Variants in PMS1 observed in about 807,000 individuals in gnomAD.
PMS1 encodes the protein PMS1 protein homolog 1.
Under a neutral mutation model 93.1 loss-of-function variants are expected in PMS1, and 79 were observed. The observed-to-expected ratio is 0.85, with a 90% confidence interval of 0.71 to 1.02. The LOEUF (loss-of-function observed/expected upper bound fraction) is 1.02. Among genes scored for constraint, PMS1 ranks in the 50% least tolerant of loss-of-function variants. The pLI is 0.00. For missense variants in PMS1, 1,064 were observed against 1,085.3 expected (o/e 0.98, Z 0.28); for synonymous variants, 335 against 363.4 (o/e 0.92, Z 0.89).
chr2:189,848,898 C>G (rs2054467801), intron 6 of PMS1, among the ~76,000 whole-genome samples: 1 of 152,154 alleles, frequency 6.6e-6, no homozygotes, highest in Admixed American at 6.6e-5. Context: ...CATCCCTGGC[C>G]AAAAGCAATC....
intron 6 of PMS1, among the ~76,000 whole-genome samples, chr2:189,847,214 G>GT (rs1457539609): frequency 1.3e-5 from 2 of 152,080 alleles, no homozygotes; most frequent in Non-Finnish European, 2.9e-5. Context: ...GTGTCTAAGT[G>GT]TGTGTCTTTT....
intron 3 of PMS1, among the ~76,000 whole-genome samples, chr2:189,797,972 G>A (rs1455873640): frequency 6.6e-6 from 1 of 152,164 alleles, no homozygotes; most frequent in African/African-American, 2.4e-5. Flanking sequence ...AATCGAAAAT[G>A]CATTTAATAT....
rs772784948 is a variant in PMS1 at position 189,805,648 on chromosome 2, C to T, written c.316-4C>T. ...TAGTTTTATTAGATGTTTTTTTCCCCCAGGTTTTAATTACAACAAGAACGG... is the reference window on the plus strand; with the variant it reads ...TAGTTTTATTAGATGTTTTTTTCCCTCAGGTTTTAATTACAACAAGAACGG... On this transcript the variant is annotated splice_polypyrimidine_tract_variant and splice_region_variant and intron_variant, in intron 3 of 12. Coordinates refer to ENST00000441310, the MANE Select transcript of PMS1 (RefSeq NM_000534.5). 8.7e-6 allele frequency: 14 copies of T among 1,611,504 alleles called. No homozygotes were observed. In the East Asian group the frequency reaches 3.1e-4, roughly 36 times the overall value.
chr2:189,820,955 G>A (rs750291743), intron 5 of PMS1, among the ~76,000 whole-genome samples: 8 of 152,024 alleles, frequency 5.3e-5, no homozygotes, highest in Non-Finnish European at 1.2e-4. Flanking sequence ...CAGTGCCACC[G>A]TGCTATGATT....
intron 11 of PMS1, among the ~76,000 whole-genome samples, chr2:189,871,195 A>G (rs1027246117): frequency 6.6e-5 from 10 of 152,310 alleles, no homozygotes; most frequent in African/African-American, 2.2e-4. Context: ...CTTAAGTTCA[A>G]ACTTCTACCG....
At chr2:189,824,009 G>A (rs1428141824) in intron 5 of PMS1, among the ~76,000 whole-genome samples, 1 of 152,120 alleles carries the variant, frequency 6.6e-6, no homozygotes, top group Non-Finnish European at 1.5e-5. Context: ...CAATTTAAAT[G>A]TTTTACTAAA....
At chr2:189,849,244 C>G (rs1180598167) in intron 6 of PMS1, among the ~76,000 whole-genome samples, 1 of 152,106 alleles carries the variant, frequency 6.6e-6, no homozygotes, top group East Asian at 1.9e-4. Context: ...TGAAGTTATC[C>G]TTTTTGACAT....
chr2:189,830,204 T>G (rs1388775590), intron 5 of PMS1, among the ~76,000 whole-genome samples: 2 of 152,188 alleles, frequency 1.3e-5, no homozygotes, highest in African/African-American at 4.8e-5. Context: ...ATACTTTATT[T>G]ACAAAAACAG....
chr2:189,868,917 A>G (rs910157271), intron 11 of PMS1, among the ~76,000 whole-genome samples: 20 of 152,190 alleles, frequency 1.3e-4, no homozygotes, highest in African/African-American at 4.1e-4. Flanking sequence ...TTTTGGGGAA[A>G]GTCACCTGGC....
chr2:189,796,528 G>A lies in PMS1; in HGVS notation c.315+577G>A, dbSNP rs186792369. Among the ~76,000 whole-genome samples the A allele has an allele frequency of 4.6e-5, 7 of 152,148 alleles. No individual in the cohort carries two copies. In the East Asian group the frequency reaches 9.7e-4, roughly 21 times the overall value. ...AACTCTGTACCCATTAAACAATAAT[G>A]CCTTTTCCCCCCATCCCCTAGTACT... On this transcript the variant is annotated intron_variant, in intron 3 of 12. Transcript: ENST00000441310.
chr2:189,825,741 C>G (rs773208160), intron 5 of PMS1, among the ~76,000 whole-genome samples: 1 of 152,150 alleles, frequency 6.6e-6, no homozygotes, highest in African/African-American at 2.4e-5. Flanking sequence ...TTAACTGTTA[C>G]GAAAGAGAGA....
chr2:189,795,656 T>C lies in PMS1; in HGVS notation c.133-113T>C. The C allele has an allele frequency of 4.7e-6, 4 of 848,106 alleles. No homozygotes were observed. The East Asian group carries it at 7.9e-5, about 17-fold the overall frequency. 52.5% of individuals were successfully genotyped at this position (848,106 alleles called of 1,614,324 possible). ...ATTTAAACTCTTATATCCATAATGC[T>C]ATGCTTCCATAAAAGTAAATAAATG... On this transcript the variant is annotated intron_variant, in intron 2 of 12. Transcript: ENST00000441310.
At chr2:189,840,344 C>G (rs1053320371) in intron 5 of PMS1, among the ~76,000 whole-genome samples, 8 of 152,170 alleles carry the variant, frequency 5.3e-5, no homozygotes, top group Non-Finnish European at 1.0e-4. Flanking sequence ...TATTTGAACA[C>G]AGTTTGAACA....
chr2:189,812,273 C>T (rs1323570991), intron 4 of PMS1, among the ~76,000 whole-genome samples: 1 of 152,168 alleles, frequency 6.6e-6, no homozygotes, highest in African/African-American at 2.4e-5. Flanking sequence ...TGTACTCCAG[C>T]CTGGGTGACA....
At chr2:189,874,424 G>A (rs2057394893) in intron 12 of PMS1, among the ~76,000 whole-genome samples, 1 of 152,128 alleles carries the variant, frequency 6.6e-6, no homozygotes, top group Non-Finnish European at 1.5e-5. Flanking sequence ...TTTCATTTTT[G>A]TGACAGTATT....
At chr2:189,784,983 C>T (rs1452640024) in intron 1 of PMS1, among the ~76,000 whole-genome samples, 1 of 152,172 alleles carries the variant, frequency 6.6e-6, no homozygotes, top group Non-Finnish European at 1.5e-5. Flanking sequence ...ACGATTTTTG[C>T]TCTTGGCCTT....
chr2:189,799,965 A>G (rs1323412993), intron 3 of PMS1, among the ~76,000 whole-genome samples: 1 of 152,202 alleles, frequency 6.6e-6, no homozygotes, highest in Non-Finnish European at 1.5e-5. Flanking sequence ...CCAGCCTACA[A>G]TGTAGGTCTT....
chr2:189,829,537 C>T (rs566994539), intron 5 of PMS1, among the ~76,000 whole-genome samples: 2 of 152,262 alleles, frequency 1.3e-5, no homozygotes, highest in African/African-American at 4.8e-5. Flanking sequence ...TGTCAGTTCT[C>T]TTGGTCCTTT....
At chr2:189,799,470 T>A (rs2049681370) in intron 3 of PMS1, among the ~76,000 whole-genome samples, 1 of 152,224 alleles carries the variant, frequency 6.6e-6, no homozygotes, top group South Asian at 2.1e-4. Context: ...CAAAGGTAAC[T>A]GCTATTCAGA....
Sources: allele counts gnomAD v4.1 joint callset (sites outside exome capture counted in the v4.1 genomes callset), GRCh38; gene constraint gnomAD v4.1.1; transcripts MANE v1.5; gene names NCBI Gene and HGNC (gene_info 2026-07-23, HGNC 2026-07-21).